The following RUFY2 variants were observed in gnomAD, a reference collection of about 807,000 sequenced individuals.
RUFY2 encodes RUN and FYVE domain containing 2, also known as RUN and FYVE domain-containing protein 2.
RUFY2 carries 49 observed loss-of-function variants against 94.4 expected under a neutral mutation model. The observed-to-expected ratio is 0.52, with a 90% CI of 0.41 to 0.66. RUFY2 has a LOEUF of 0.66. RUFY2 is among the 30% of genes least tolerant of loss of function. RUFY2 has a pLI of 0.00. For missense variants in RUFY2, 541 were observed against 692.8 expected (o/e 0.78, Z 2.46); for synonymous variants, 255 against 235.7 (o/e 1.08, Z -0.75).
intron 16 of RUFY2, among the ~76,000 whole-genome samples, chr10:68,347,659 T>C (rs2046380933): frequency 6.6e-6 from 1 of 152,114 alleles, no homozygotes; most frequent in African/African-American, 2.4e-5. Flanking sequence ...GAAGGCAACT[T>C]TGTTAGATGA....
chr10:68,383,393 C>A (rs1188794652), intron 10 of RUFY2, among the ~76,000 whole-genome samples: 1 of 150,246 alleles, frequency 6.7e-6, no homozygotes, highest in African/African-American at 2.5e-5. Flanking sequence ...CCAAGATAGG[C>A]AGATCACTTG....
intron 15 of RUFY2, among the ~76,000 whole-genome samples, chr10:68,362,649 G>C (rs902606060): frequency 1.3e-5 from 2 of 152,018 alleles, no homozygotes; most frequent in Admixed American, 1.3e-4. Context: ...AATTAGTAGG[G>C]CATGATGGTG....
chr10:68,381,917 A>G (rs192027610), intron 10 of RUFY2, among the ~76,000 whole-genome samples: 185 of 152,284 alleles, frequency 1.2e-3, no homozygotes, highest in Non-Finnish European at 2.0e-3. Flanking sequence ...TCTGTTAATC[A>G]TTACTCTTTA....
intron 16 of RUFY2, among the ~76,000 whole-genome samples, chr10:68,347,240 T>C (rs1368031852): frequency 6.6e-6 from 1 of 151,490 alleles, no homozygotes; most frequent in African/African-American, 2.4e-5. Context: ...AAAAAATGGA[T>C]GTAAGTAGTC....
At chr10:68,370,151 GGTAA>G (rs941027731) in intron 13 of RUFY2, among the ~76,000 whole-genome samples, 1 of 152,052 alleles carries the variant, frequency 6.6e-6, no homozygotes, top group Admixed American at 6.6e-5. Flanking sequence ...CGGGCATGGT[GGTAA>G]GTGCCTGTAA....
chr10:68,361,267 G>A (rs540093779), intron 15 of RUFY2, among the ~76,000 whole-genome samples: 86 of 152,138 alleles, frequency 5.7e-4, no homozygotes, highest in Non-Finnish European at 8.7e-4. Flanking sequence ...CAACAAGAGC[G>A]AAACTTCCTC....
rs145947856 is a variant in RUFY2 at position 68,359,483 on chromosome 10, T to C, written c.1551-4082A>G. On this transcript the variant is annotated intron_variant, in intron 15 of 17. Coordinates refer to ENST00000602465, the MANE Select transcript of RUFY2 (RefSeq NM_001330103.2). ...AGTAATGCTACTATATATAAAAATA[T>C]ATATAGTAGTACTACTATATATATA... Among the ~76,000 whole-genome samples the C allele has an allele frequency of 2.1e-4, 31 of 144,404 alleles. No individual in the cohort carries two copies. The East Asian group carries it at 5.9e-3, about 27-fold the overall frequency. The allele number at this position is 144,404 out of a possible 152,430, so 94.7% of individuals were successfully genotyped here.
intron 3 of RUFY2, among the ~76,000 whole-genome samples, chr10:68,399,981 T>C (rs1346549118): frequency 6.6e-6 from 1 of 151,100 alleles, no homozygotes; most frequent in Admixed American, 6.6e-5. Context: ...GCTTTCTCCA[T>C]TTTGGTCAGG....
At chr10:68,391,645 C>A (rs1258857118) in intron 7 of RUFY2, among the ~76,000 whole-genome samples, 2 of 138,466 alleles carry the variant, frequency 1.4e-5, no homozygotes, top group Admixed American at 1.5e-4. Flanking sequence ...CAGAGTGAGA[C>A]CCTGTCTCAA....
downstream of RUFY2, chr10:68,342,025 A>T (rs1708056947): frequency 6.2e-7 from 1 of 1,613,902 alleles, no homozygotes; most frequent in African/African-American, 1.3e-5. Context: ...AGGCGGCATG[A>T]GTGGAGGTGG....
intron 13 of RUFY2, among the ~76,000 whole-genome samples, chr10:68,376,489 T>TATATATATATATATATATATC (rs58358117): frequency 9.6e-5 from 5 of 51,816 alleles, no homozygotes; most frequent in Admixed American, 2.8e-4. Context: ...TATATATATA[T>TATATATATATATATATATATC]ATTCTCAGAA....
chr10:68,381,293 C>T lies in RUFY2; in HGVS notation c.1046G>A (p.Gly349Asp). 1 of 1,613,868 alleles carries T rather than the reference C, an allele frequency of 6.2e-7. No homozygotes were observed. Among genetic ancestry groups the T allele is most frequent in the Non-Finnish European group, 8.5e-7 (1 of 1,179,878 alleles). Residue 349 changes from glycine (G) to aspartate (D), a missense_variant, in exon 11 of 18, where the codon GGC becomes GAC. Gly to Asp is a moderately conservative substitution (Grantham distance 94). Around this residue, in one of 3 missense-constraint regions of RUFY2, gnomAD observed 403 missense variants for 480.7 expected, o/e 0.84. Transcript: ENST00000602465. ...DIHEKQDTLI[G>D]LRQQLEEVKA... ...AACTTCCTCTAGTTGTTGTCGAAGG[C>T]CTATCAGAGTATCTTGTTTCTCATG... is the stretch of plus-strand genomic sequence containing the variant.
At chr10:68,386,471 T>C (rs1320461778) in intron 7 of RUFY2, among the ~76,000 whole-genome samples, 1 of 152,156 alleles carries the variant, frequency 6.6e-6, no homozygotes, top group Non-Finnish European at 1.5e-5. Flanking sequence ...TGCCTCAGCC[T>C]CCTGAATAGC....
chr10:68,372,918 A>G (rs1033727257), intron 13 of RUFY2, among the ~76,000 whole-genome samples: 6 of 152,008 alleles, frequency 3.9e-5, no homozygotes, highest in Admixed American at 1.3e-4. Flanking sequence ...AAAAAAAAAA[A>G]AGAATGTTTA....
intron 15 of RUFY2, among the ~76,000 whole-genome samples, chr10:68,356,844 T>G (rs1430329896): frequency 6.6e-6 from 1 of 151,454 alleles, no homozygotes; most frequent in African/African-American, 2.4e-5. Context: ...CCACCAAGCC[T>G]GGCATTTTCC....
chr10:68,364,992 TCTA>T, intron 13 of RUFY2, among the ~76,000 whole-genome samples: 1 of 152,276 alleles, frequency 6.6e-6, no homozygotes, highest in Admixed American at 6.5e-5. Flanking sequence ...GAGGCATTTA[TCTA>T]CTAACAATAC....
chr10:68,353,458 T>C (rs2046836457), intron 16 of RUFY2, among the ~76,000 whole-genome samples: 2 of 150,874 alleles, frequency 1.3e-5, no homozygotes, highest in East Asian at 2.0e-4. Context: ...GATCATGCCA[T>C]TGCACTCCAG....
intron 7 of RUFY2, among the ~76,000 whole-genome samples, chr10:68,387,669 C>T (rs959195490): frequency 1.3e-5 from 2 of 152,104 alleles, no homozygotes; most frequent in African/African-American, 4.8e-5. Context: ...GACGTAAGAC[C>T]AAGAGCCCTG....
At position 68,345,810 on chromosome 10, in the gene RUFY2, A is replaced by G; in HGVS notation, c.1779T>C (p.Cys593=). Residue 593 remains cysteine, a synonymous_variant, in exon 18 of 18, where the codon TGT becomes TGC. Transcript: ENST00000602465. ...AGCATCTCTGAATGAGCAGTGCATG[A>G]CAGGAATCACAAACCCGTACTGGTT... The part of the protein sequence containing the change: ...SPKPVRVCDS[C]HALLIQRCSS... 1.2e-6 allele frequency: 2 copies of G among 1,614,018 alleles called. No homozygotes were observed. The highest frequency in any genetic ancestry group is 1.7e-6 in the Non-Finnish European group (2 of 1,179,866).
Sources: gnomAD v4.1 joint callset for allele counts (sites outside exome capture counted in the v4.1 genomes callset) on GRCh38, gnomAD v4.1.1 for gene constraint, gnomAD v4.1.1 regional missense constraint, MANE v1.5 for transcripts, NCBI Gene and HGNC (gene_info 2026-07-23, HGNC 2026-07-21) for gene names.